Variants in CTXND1 observed in about 807,000 individuals in gnomAD.
CTXND1 encodes the protein cortexin domain containing 1.
At chr15:80,228,975 G>C (rs191702479) in intron 1 of CTXND1, among the ~76,000 whole-genome samples, 1 of 152,200 alleles carries the variant, frequency 6.6e-6, no homozygotes, top group East Asian at 1.9e-4. Flanking sequence ...CAAAGAAAAG[G>C]CTCATTGGAA....
At chr15:80,233,909 C>A (rs1893461321) in intron 1 of CTXND1, among the ~76,000 whole-genome samples, 1 of 152,186 alleles carries the variant, frequency 6.6e-6, no homozygotes, top group Non-Finnish European at 1.5e-5. Context: ...GGAACCCACA[C>A]AACTTGACCA....
At chr15:80,217,282 T>C (rs1401794078) in intron 1 of CTXND1, among the ~76,000 whole-genome samples, 4 of 152,182 alleles carry the variant, frequency 2.6e-5, no homozygotes, top group Non-Finnish European at 4.4e-5. Context: ...TGTCTACAAA[T>C]AGATATCTTA....
At chr15:80,234,443 A>C (rs1893469793) in intron 1 of CTXND1, among the ~76,000 whole-genome samples, 1 of 151,676 alleles carries the variant, frequency 6.6e-6, no homozygotes, top group Non-Finnish European at 1.5e-5. Flanking sequence ...GCATCCTGAA[A>C]TAACATGTAT....
At chr15:80,220,146 C>CTATCATCT (rs1555444756) in intron 1 of CTXND1, among the ~76,000 whole-genome samples, 12 of 105,342 alleles carry the variant, frequency 1.1e-4, no homozygotes, top group Non-Finnish European at 1.3e-4. Flanking sequence ...ATCTATCTAT[C>CTATCATCT]ATCTATCTAT....
chr15:80,207,109 T>A (rs1202832504), intron 1 of CTXND1, among the ~76,000 whole-genome samples: 1 of 152,234 alleles, frequency 6.6e-6, no homozygotes, highest in East Asian at 1.9e-4. Context: ...TTTCTCTGGA[T>A]TTTCTTGCTT....
chr15:80,222,525 A>T (rs1448402674), intron 1 of CTXND1, among the ~76,000 whole-genome samples: 8 of 152,214 alleles, frequency 5.3e-5, no homozygotes, highest in Non-Finnish European at 1.2e-4. Context: ...TTCCCCAATT[A>T]TCTCAAAATT....
At chr15:80,204,972 C>T (rs1293816414) in intron 1 of CTXND1, among the ~76,000 whole-genome samples, 1 of 152,186 alleles carries the variant, frequency 6.6e-6, no homozygotes, top group Non-Finnish European at 1.5e-5. Flanking sequence ...TCTCCCCAGC[C>T]ATCTAGTTCA....
chr15:80,200,630 A>G lies in CTXND1; in HGVS notation c.*1140T>C, dbSNP rs2041444231. 6.6e-6 allele frequency: 1 copy of G among 152,198 alleles called. No homozygotes were observed. Among genetic ancestry groups the G allele is most frequent in the Admixed American group, 6.5e-5 (1 of 15,284 alleles). The allele number at this position is 152,198 out of a possible 1,614,324, so 9.4% of individuals were successfully genotyped here. On this transcript the variant is annotated 3_prime_UTR_variant, in exon 3 of 3. Transcript: ENST00000560778. Reference sequence around the variant, plus strand: ...CCTTTCGTTCACATGAGGTATATGCAAAAAATAAAATTTTAAAAATGACAA... The same window carrying G: ...CCTTTCGTTCACATGAGGTATATGCGAAAAATAAAATTTTAAAAATGACAA...
chr15:80,200,157 G>T lies in CTXND1; in HGVS notation c.*1613C>A, dbSNP rs2041441274. 6.6e-6 allele frequency: 1 copy of T among 152,256 alleles called. No homozygotes were observed. Among genetic ancestry groups the T allele is most frequent in the Admixed American group, 6.5e-5 (1 of 15,284 alleles). 9.4% of individuals were successfully genotyped at this position (152,256 alleles called of 1,614,324 possible). ...AAGCAGCCCTCAGAAGTTGAGAAAA[G>T]CTGAAGGTGCCAGGCTCTGTAGGGG... On this transcript the variant is annotated 3_prime_UTR_variant, in exon 3 of 3. Transcript: ENST00000560778.
At chr15:80,249,967 G>A (rs1279154033) in intron 1 of CTXND1, among the ~76,000 whole-genome samples, 1 of 152,274 alleles carries the variant, frequency 6.6e-6, no homozygotes, top group East Asian at 1.9e-4. Flanking sequence ...CTTATTAGGA[G>A]CATTAACCTC....
chr15:80,204,817 A>G (rs1016880452), intron 1 of CTXND1, among the ~76,000 whole-genome samples: 1 of 152,130 alleles, frequency 6.6e-6, no homozygotes. Context: ...ATATAAGCAG[A>G]AGTGGCATTG....
intron 1 of CTXND1, among the ~76,000 whole-genome samples, chr15:80,244,086 A>G (rs1194778785): frequency 6.6e-6 from 1 of 152,182 alleles, no homozygotes; most frequent in Admixed American, 6.5e-5. Flanking sequence ...GACTTTTCCC[A>G]TCCTGCTCAC....
At chr15:80,213,243 G>A in intron 1 of CTXND1, among the ~76,000 whole-genome samples, 1 of 152,158 alleles carries the variant, frequency 6.6e-6, no homozygotes, top group South Asian at 2.1e-4. Flanking sequence ...GCTATAATGG[G>A]TTGAGGCTTT....
At chr15:80,215,287 T>C (rs1363533404) in intron 1 of CTXND1, among the ~76,000 whole-genome samples, 2 of 152,238 alleles carry the variant, frequency 1.3e-5, no homozygotes, top group African/African-American at 4.8e-5. Flanking sequence ...TTGGCCACCA[T>C]TGGAGTTCCT....
At chr15:80,220,911 TA>T (rs1290004700) in intron 1 of CTXND1, among the ~76,000 whole-genome samples, 1,584 of 139,332 alleles carry the variant, frequency 0.011, 24 homozygotes, top group Middle Eastern at 0.019. Context: ...TTATTATTAT[TA>T]TTTTTTTTTT....
intron 1 of CTXND1, among the ~76,000 whole-genome samples, chr15:80,233,882 GGTGCC>G (rs1289176939): frequency 6.6e-6 from 1 of 152,204 alleles, no homozygotes; most frequent in Non-Finnish European, 1.5e-5. Flanking sequence ...ACACGTTGTG[GGTGCC>G]CATGGCCCTC....
chr15:80,231,174 C>T (rs1372117235), intron 1 of CTXND1, among the ~76,000 whole-genome samples: 7 of 151,864 alleles, frequency 4.6e-5, no homozygotes, highest in East Asian at 1.9e-4. Context: ...GGAGCCTGAC[C>T]GCTGCTTCTC....
At chr15:80,236,521 G>C (rs569681734) in intron 1 of CTXND1, among the ~76,000 whole-genome samples, 1 of 152,172 alleles carries the variant, frequency 6.6e-6, no homozygotes, top group Non-Finnish European at 1.5e-5. Context: ...GGTGGCTCAC[G>C]CCTATAATCC....
intron 1 of CTXND1, among the ~76,000 whole-genome samples, chr15:80,214,313 T>TA (rs1341533021): frequency 4.6e-5 from 7 of 152,190 alleles, no homozygotes; most frequent in Non-Finnish European, 8.8e-5. Flanking sequence ...ATTCAAAATT[T>TA]GAATAATACA....
Sources: allele counts gnomAD v4.1 joint callset (sites outside exome capture counted in the v4.1 genomes callset), GRCh38; gene constraint gnomAD v4.1.1; transcripts MANE v1.5; gene names NCBI Gene and HGNC (gene_info 2026-07-23, HGNC 2026-07-21).